DMD: variants seen among roughly 807,000 people sequenced by gnomAD.
DMD encodes dystrophin.
DMD carries 63 observed loss-of-function variants against 330.1 expected under a neutral mutation model. That is an observed-to-expected ratio of 0.19 (90% CI 0.16 to 0.24). The LOEUF (loss-of-function observed/expected upper bound fraction) is 0.24. DMD is among the 10% of genes least tolerant of loss of function. The pLI is 1.00. For synonymous variants in DMD, 1,223 were observed against 959.8 expected, an observed-to-expected ratio of 1.27 and a Z score of -5.07; for missense variants, 3,344 against 2,684.1, an observed-to-expected ratio of 1.25 and a Z score of -5.43.
rs749363740 is a variant in DMD at position 31,487,997 on chromosome X, G to C, written c.8547+8791C>G. The stretch of plus-strand genomic sequence containing the variant: ...CTCTGTGTTGAGATTTATTTTTCTG[G>C]AAGTCTTTGAAAACAAAGATTGTAT... On this transcript the variant is annotated intron_variant, in intron 57 of 78. Transcript: ENST00000357033. 1.1e-4 allele frequency among the ~76,000 whole-genome samples: 12 copies of C among 111,899 alleles called. No individual in the cohort carries two copies. In the South Asian group the frequency reaches 2.3e-3, roughly 21 times the overall value.
intron 44 of DMD, among the ~76,000 whole-genome samples, chrX:31,993,274 T>C (rs888072002): frequency 1.8e-5 from 2 of 111,675 alleles, no homozygotes; most frequent in East Asian, 5.6e-4. Flanking sequence ...GAAAATCTTA[T>C]CAGTATGCTA....
intron 73 of DMD, among the ~76,000 whole-genome samples, chrX:31,170,354 C>T (rs1403264021): frequency 1.8e-5 from 2 of 110,565 alleles, no homozygotes; most frequent in Non-Finnish European, 3.8e-5. Context: ...GGCAAAAAGG[C>T]TTCTATTTGG....
intron 29 of DMD, among the ~76,000 whole-genome samples, chrX:32,423,568 T>C (rs1157049163): frequency 3.6e-5 from 4 of 110,957 alleles, no homozygotes; most frequent in South Asian, 3.7e-4. Context: ...ATAATAGGCA[T>C]ACAGACGAAC....
intron 20 of DMD, among the ~76,000 whole-genome samples, chrX:32,486,283 C>T (rs1161528080): frequency 8.9e-6 from 1 of 111,742 alleles, no homozygotes; most frequent in East Asian, 2.8e-4. Context: ...AAGCTAAGAA[C>T]ATAATCTCAA....
chrX:32,273,281 TAAAAC>T (rs74314252), intron 43 of DMD, among the ~76,000 whole-genome samples: 34,954 of 106,903 alleles, frequency 0.33, 4,739 homozygotes, highest in African/African-American at 0.37. Flanking sequence ...GCTCCTTAAA[TAAAAC>T]AAAACAAAAC....
chrX:32,631,077 C>T (rs755301579), intron 11 of DMD, among the ~76,000 whole-genome samples: 1 of 112,215 alleles, frequency 8.9e-6, no homozygotes, highest in East Asian at 2.8e-4. Flanking sequence ...TGCTGTGACT[C>T]TTGCAGACTG....
At chrX:31,267,459 G>A (rs12835465) in intron 62 of DMD, among the ~76,000 whole-genome samples, 1,278 of 112,478 alleles carry the variant, frequency 0.011, 6 homozygotes, top group East Asian at 0.061. Context: ...TTGTGACATA[G>A]CAGCGGATCT....
rs886105216 is a variant in DMD at position 33,072,379 on chromosome X, C to A, written c.32-52179G>T. On this transcript the variant is annotated intron_variant, in intron 1 of 78. Transcript: ENST00000357033. ...GTTGCAGTGAGCCACGATCGCACCA[C>A]TGCACTCCAGCCTGGGCGATAAGAG... Among the ~76,000 whole-genome samples the A allele has an allele frequency of 1.8e-4, 20 of 112,158 alleles. 2 individuals are homozygous for A. The Admixed American group carries it at 1.8e-3, about 10-fold the overall frequency.
intron 44 of DMD, among the ~76,000 whole-genome samples, chrX:32,185,654 T>G (rs1465443105): frequency 9.0e-6 from 1 of 111,693 alleles, no homozygotes; most frequent in Non-Finnish European, 1.9e-5. Context: ...AAATGATACA[T>G]TTGAGCTTAT....
At chrX:33,239,445 AT>A (rs2052549997) in intron 1 of DMD, among the ~76,000 whole-genome samples, 1 of 65,723 alleles carries the variant, frequency 1.5e-5, no homozygotes, top group South Asian at 8.9e-4. Context: ...CAATCTAAAC[AT>A]TTCCTAAGGA....
At chrX:32,031,656 T>C (rs2095884177) in intron 44 of DMD, among the ~76,000 whole-genome samples, 1 of 112,269 alleles carries the variant, frequency 8.9e-6, no homozygotes, top group Admixed American at 9.5e-5. Context: ...CAATCTCATG[T>C]AGTAATATTC....
In DMD at chrX:31,344,951, A is replaced by C. The variant is rs1026898073; in HGVS notation, c.9163+3605T>G. Among the ~76,000 whole-genome samples, 4 of 111,942 alleles carry C rather than the reference A, an allele frequency of 3.6e-5. No homozygotes were observed. The Admixed American group carries it at 3.8e-4, about 11-fold the overall frequency. On this transcript the variant is annotated intron_variant, in intron 61 of 78. Coordinates refer to ENST00000357033, the MANE Select transcript of DMD (RefSeq NM_004006.3). ...GTGATTATCTCTGAGTCATAGGATT[A>C]TGGATACTTTTTCTTTTCTTGTTTG...
chrX:31,819,524 A>C (rs761344056), intron 50 of DMD, among the ~76,000 whole-genome samples: 25 of 112,506 alleles, frequency 2.2e-4, no homozygotes, highest in African/African-American at 7.4e-4. Context: ...GCCTCAGAAA[A>C]CTTGTCCAAG....
chrX:32,731,507 T>A (rs1003617134), intron 7 of DMD, among the ~76,000 whole-genome samples: 2 of 112,377 alleles, frequency 1.8e-5, no homozygotes, highest in Non-Finnish European at 3.8e-5. Flanking sequence ...GATTTAAATA[T>A]CCCTGTCTGA....
At chrX:31,147,044 A>G (rs1401428405) in intron 75 of DMD, among the ~76,000 whole-genome samples, 1 of 111,990 alleles carries the variant, frequency 8.9e-6, no homozygotes, top group African/African-American at 3.2e-5. Flanking sequence ...TGTATTTCAA[A>G]TTGGTCAAGA....
At chrX:32,889,877 G>A (rs1440498852) in intron 2 of DMD, among the ~76,000 whole-genome samples, 1 of 111,142 alleles carries the variant, frequency 9.0e-6, no homozygotes, top group Non-Finnish European at 1.9e-5. Context: ...CTCTTCACTC[G>A]GAGGGGCGTG....
chrX:31,879,097 C>A (rs1173797335), intron 47 of DMD, among the ~76,000 whole-genome samples: 1 of 110,042 alleles, frequency 9.1e-6, no homozygotes, highest in African/African-American at 3.3e-5. Flanking sequence ...ATATTTTGAA[C>A]AATGTAAATG....
In DMD at chrX:31,205,627, G is replaced by C. The variant is rs61116296; in HGVS notation, c.9649+955C>G. Among the ~76,000 whole-genome samples the C allele has an allele frequency of 7.7e-3, 861 of 112,468 alleles. 14 individuals are homozygous for C. The highest frequency in any genetic ancestry group is 0.026 in the African/African-American group (796 of 31,003). On this transcript the variant is annotated intron_variant, in intron 66 of 78. Coordinates refer to ENST00000357033, the MANE Select transcript of DMD (RefSeq NM_004006.3). ...CTCATCCGAAATACATTTTAAAATG[G>C]TTAACAAAAGCTGTTCAGTTATTTT...
intron 19 of DMD, among the ~76,000 whole-genome samples, chrX:32,497,570 T>C (rs1273583638): frequency 8.9e-6 from 1 of 112,213 alleles, no homozygotes; most frequent in Admixed American, 9.5e-5. Context: ...ACATATGTTT[T>C]CAAATAAATG....
Sources: allele counts gnomAD v4.1 joint callset (sites outside exome capture counted in the v4.1 genomes callset), GRCh38; gene constraint gnomAD v4.1.1; transcripts MANE v1.5; gene names NCBI Gene and HGNC (gene_info 2026-07-23, HGNC 2026-07-21).